CCDC148: variants seen among roughly 807,000 people sequenced by gnomAD.
The protein encoded by CCDC148 is coiled-coil domain containing 148, also known as coiled-coil domain-containing protein 148.
Under a neutral mutation model 85.7 loss-of-function variants are expected in CCDC148, and 89 were observed. The observed-to-expected ratio is 1.04, with a 90% CI of 0.87 to 1.24. CCDC148 has a LOEUF of 1.24. CCDC148 is among the 50% of genes most tolerant of loss of function. CCDC148 has a pLI of 0.00. For missense variants in CCDC148, 692 were observed against 671.7 expected (o/e 1.03, Z -0.33); for synonymous variants, 230 against 213.9 (o/e 1.08, Z -0.66).
chr2:158,263,527 T>A (rs1022416174), intron 9 of CCDC148, among the ~76,000 whole-genome samples: 1 of 152,078 alleles, frequency 6.6e-6, no homozygotes, highest in Non-Finnish European at 1.5e-5. Context: ...CATGCTAAAT[T>A]CAAAGGAGAT....
At chr2:158,338,634 A>G in intron 7 of CCDC148, 92 bp downstream of exon 7, 2 of 828,004 alleles carry the variant, frequency 2.4e-6, no homozygotes, top group Non-Finnish European at 3.8e-6. Context: ...GTTACATAGT[A>G]ACTATACAGT....
chr2:158,338,095 T>C (rs6758007), intron 7 of CCDC148, among the ~76,000 whole-genome samples: 8,507 of 152,150 alleles, frequency 0.056, 506 homozygotes, highest in African/African-American at 0.15. Flanking sequence ...AGGTAGACCA[T>C]TGATCTAGTT....
chr2:158,251,448 C>A (rs1688790475), intron 9 of CCDC148, among the ~76,000 whole-genome samples: 1 of 151,752 alleles, frequency 6.6e-6, no homozygotes, highest in Non-Finnish European at 1.5e-5. Context: ...TACAGCCTTT[C>A]TATTGGGTAT....
chr2:158,340,487 C>A, intron 4 of CCDC148, 94 bp from the exon 5 acceptor site: 1 of 1,479,188 alleles, frequency 6.8e-7, no homozygotes, highest in South Asian at 1.3e-5. Context: ...TTGGGGATTT[C>A]CTTAGAAAAA....
chr2:158,285,726 C>T (rs1386108333), intron 9 of CCDC148, among the ~76,000 whole-genome samples: 8 of 151,408 alleles, frequency 5.3e-5, no homozygotes, highest in South Asian at 2.1e-4. Flanking sequence ...TTAGTAGAGA[C>T]GGGGTTTCAC....
intron 1 of CCDC148, among the ~76,000 whole-genome samples, chr2:158,423,730 C>G (rs1179656332): frequency 6.6e-6 from 1 of 152,166 alleles, no homozygotes. Context: ...TCTAATTAAA[C>G]TAAAGAGCTT....
At chr2:158,419,763 A>G (rs549426181) in intron 1 of CCDC148, among the ~76,000 whole-genome samples, 14 of 152,144 alleles carry the variant, frequency 9.2e-5, no homozygotes, top group Non-Finnish European at 2.1e-4. Flanking sequence ...CTACAAGCCC[A>G]TTTCCCTCAT....
intron 9 of CCDC148, among the ~76,000 whole-genome samples, chr2:158,278,668 C>T (rs1054039899): frequency 1.3e-5 from 2 of 152,276 alleles, no homozygotes; most frequent in African/African-American, 2.4e-5. Context: ...GGAGGCCTGC[C>T]TGCCTCTGTA....
intron 2 of CCDC148, among the ~76,000 whole-genome samples, chr2:158,348,794 G>A (rs1412816918): frequency 6.6e-6 from 1 of 152,018 alleles, no homozygotes; most frequent in Non-Finnish European, 1.5e-5. Flanking sequence ...CAATCCAATT[G>A]TGCATATGTT....
intron 9 of CCDC148, among the ~76,000 whole-genome samples, chr2:158,270,782 A>T (rs1157189184): frequency 2.6e-5 from 4 of 152,194 alleles, no homozygotes; most frequent in African/African-American, 9.6e-5. Flanking sequence ...GATTATATCC[A>T]CAGGCACTGT....
intron 1 of CCDC148, among the ~76,000 whole-genome samples, chr2:158,408,517 A>G (rs987888082): frequency 6.6e-6 from 1 of 152,156 alleles, no homozygotes; most frequent in African/African-American, 2.4e-5. Flanking sequence ...TTCACTTAGC[A>G]TAATATCCTC....
intron 1 of CCDC148, among the ~76,000 whole-genome samples, chr2:158,359,694 CAGG>C (rs1167630830): frequency 1.3e-5 from 2 of 152,198 alleles, no homozygotes; most frequent in African/African-American, 2.4e-5. Flanking sequence ...ACCCACAGAC[CAGG>C]AGATTTCCTC....
At chr2:158,271,934 C>T (rs1400105983) in intron 9 of CCDC148, among the ~76,000 whole-genome samples, 3 of 152,158 alleles carry the variant, frequency 2.0e-5, no homozygotes, top group Non-Finnish European at 4.4e-5. Context: ...CTCTATTTCC[C>T]TAACTACTTT....
At chr2:158,421,955 A>G (rs1277300660) in intron 1 of CCDC148, among the ~76,000 whole-genome samples, 1 of 152,216 alleles carries the variant, frequency 6.6e-6, no homozygotes, top group Admixed American at 6.5e-5. Flanking sequence ...AGAATACTAT[A>G]AACACCTCTA....
intron 5 of CCDC148, among the ~76,000 whole-genome samples, 187 bp downstream of exon 5, chr2:158,340,055 C>T (rs751627462): frequency 6.6e-6 from 1 of 151,990 alleles, no homozygotes; most frequent in Non-Finnish European, 1.5e-5. Context: ...TGAGGGTGCT[C>T]GACAGAGTTC....
intron 9 of CCDC148, among the ~76,000 whole-genome samples, chr2:158,284,332 G>T (rs145349220): frequency 2.8e-4 from 43 of 151,518 alleles, no homozygotes; most frequent in African/African-American, 9.7e-4. Context: ...CAACCTTTCT[G>T]CTAAACTAAA....
chr2:158,202,165 T>C (rs1685999541), intron 11 of CCDC148, among the ~76,000 whole-genome samples: 1 of 152,236 alleles, frequency 6.6e-6, no homozygotes, highest in South Asian at 2.1e-4. Context: ...AAGAAAAATA[T>C]TGTCATTGTT....
intron 2 of CCDC148, among the ~76,000 whole-genome samples, chr2:158,354,544 T>C (rs1683515647): frequency 6.6e-6 from 1 of 152,194 alleles, no homozygotes; most frequent in South Asian, 2.1e-4. Flanking sequence ...GTTGAATCTC[T>C]GAATAGACCA....
At chr2:158,425,364 C>T in intron 1 of CCDC148, 1 of 466,306 alleles carries the variant, frequency 2.1e-6, no homozygotes, top group Non-Finnish European at 4.2e-6. Context: ...TGCAGGATGA[C>T]ATTGAAGACT....
Sources: gnomAD v4.1 joint callset for allele counts (sites outside exome capture counted in the v4.1 genomes callset) on GRCh38, gnomAD v4.1.1 for gene constraint, MANE v1.5 for transcripts, NCBI Gene and HGNC (gene_info 2026-07-23, HGNC 2026-07-21) for gene names.